The following PIGN variants were observed in gnomAD, a reference collection of about 807,000 sequenced individuals.
PIGN encodes GPI ethanolamine phosphate transferase 1.
In PIGN, 117 loss-of-function variants were observed where a neutral mutation model predicts 125.4. The ratio of observed to expected loss-of-function variants is 0.93; its 90% CI spans 0.80 to 1.09. The LOEUF is 1.09. PIGN is among the 50% of genes least tolerant of loss of function. The probability of loss-of-function intolerance (pLI) is 0.00; values close to 1 mark genes in which losing one functional copy is unlikely to be tolerated. For synonymous variants in PIGN, 392 were observed against 377.8 expected (o/e 1.04, Z -0.44); for missense variants, 1,075 against 1,094.9 (o/e 0.98, Z 0.26).
chr18:62,077,393 C>T (rs550553053), intron 28 of PIGN, among the ~76,000 whole-genome samples: 63 of 152,178 alleles, frequency 4.1e-4, no homozygotes, highest in African/African-American at 1.5e-3. Flanking sequence ...AACAAACAAA[C>T]AAACAAAACC....
chr18:62,109,906 A>C lies in PIGN; in HGVS notation c.1502T>G (p.Ile501Ser), dbSNP rs368164680. 3.0e-5 allele frequency: 49 copies of C among 1,613,266 alleles called. No homozygotes were observed. The highest frequency in any genetic ancestry group is 4.2e-5 in the Non-Finnish European group (49 of 1,179,478). Residue 501 changes from isoleucine to serine, a missense_variant, in exon 17 of 31, where the codon ATT (isoleucine) becomes AGT (serine). Physicochemically the swap from Ile to Ser is moderately radical, Grantham distance 142. Transcript: ENST00000640252. The stretch of plus-strand genomic sequence containing the variant: ...ATAATATGTCCAGGGACAGGCTTGA[A>C]TCAGCAGAAAAAATGCTACTAAAAT... ...IGILVAFFLL[I>S]QACPWTYYVY...
chr18:62,167,306 G>A (rs1407522958), intron 1 of PIGN, among the ~76,000 whole-genome samples: 2 of 42,094 alleles, frequency 4.8e-5, no homozygotes, highest in African/African-American at 8.6e-5. Flanking sequence ...GTGTGTGTGT[G>A]TGTGTGTGTG....
chr18:62,089,854 A>AC (rs745526674), intron 24 of PIGN, among the ~76,000 whole-genome samples: 6 of 152,200 alleles, frequency 3.9e-5, no homozygotes, highest in Non-Finnish European at 7.4e-5. Flanking sequence ...TCTCAGAATT[A>AC]CCATCAGCTC....
chr18:62,071,872 A>ATATATATATGTATATG (rs1256252340), intron 30 of PIGN, among the ~76,000 whole-genome samples: 1 of 19,560 alleles, frequency 5.1e-5, no homozygotes, highest in African/African-American at 3.3e-4. Flanking sequence ...CCATATATAT[A>ATATATATATGTATATG]TATATATATA....
At chr18:62,168,893 T>C (rs188072027) in intron 1 of PIGN, among the ~76,000 whole-genome samples, 1 of 150,522 alleles carries the variant, frequency 6.6e-6, no homozygotes, top group Non-Finnish European at 1.5e-5. Context: ...TCACTTTTTG[T>C]TACCCAGGCT....
At chr18:62,061,827 C>A (rs973153349) in intron 30 of PIGN, among the ~76,000 whole-genome samples, 2 of 152,170 alleles carry the variant, frequency 1.3e-5, no homozygotes, top group African/African-American at 2.4e-5. Context: ...AACATTCTCA[C>A]AAACAGAAAG....
chr18:62,087,058 G>A (rs561052074), intron 25 of PIGN, among the ~76,000 whole-genome samples: 23 of 152,290 alleles, frequency 1.5e-4, no homozygotes, highest in East Asian at 7.7e-4. Context: ...TCGAGGTCAC[G>A]AAAGGGGTCA....
intron 1 of PIGN, among the ~76,000 whole-genome samples, chr18:62,174,825 A>G (rs534049699): frequency 3.9e-4 from 59 of 151,628 alleles, no homozygotes; most frequent in African/African-American, 1.4e-3. Context: ...TGAATGTCCT[A>G]TACAATTACT....
At chr18:62,101,302 G>C in intron 21 of PIGN, 119 bp from the exon 22 acceptor site, 1 of 651,378 alleles carries the variant, frequency 1.5e-6, no homozygotes, top group South Asian at 1.8e-5. Flanking sequence ...GTGTATCTTG[G>C]AATCAATGAA....
At chr18:62,087,113 A>G (rs1330767688) in intron 25 of PIGN, among the ~76,000 whole-genome samples, 1 of 152,212 alleles carries the variant, frequency 6.6e-6, no homozygotes, top group Non-Finnish European at 1.5e-5. Context: ...AGAAGTGTCT[A>G]CCAAAGTTAC....
chr18:62,138,894 C>A, intron 13 of PIGN, 89 bp downstream of exon 13: 3 of 681,818 alleles, frequency 4.4e-6, no homozygotes, highest in East Asian at 2.9e-5. Context: ...TAGTTAAAAA[C>A]AAAATCAAAT....
chr18:62,033,598 T>C (rs2030221491), intron 23 of PIGN, among the ~76,000 whole-genome samples: 1 of 152,200 alleles, frequency 6.6e-6, no homozygotes, highest in Non-Finnish European at 1.5e-5. Flanking sequence ...AGTTCTGTAT[T>C]TCATTGTAGA....
intron 1 of PIGN, among the ~76,000 whole-genome samples, chr18:62,168,750 T>G (rs990216792): frequency 5.3e-5 from 8 of 152,058 alleles, no homozygotes; most frequent in Admixed American, 2.6e-4. Context: ...AAACTGTACA[T>G]AAAGTGTAAT....
chr18:62,055,645 G>A (rs535183083), intron 30 of PIGN, among the ~76,000 whole-genome samples: 15 of 152,122 alleles, frequency 9.9e-5, no homozygotes, highest in African/African-American at 3.6e-4. Flanking sequence ...CCACTGGGGG[G>A]AAATAAGGTA....
chr18:62,098,565 T>G (rs1299611794), intron 22 of PIGN, among the ~76,000 whole-genome samples: 1 of 152,216 alleles, frequency 6.6e-6, no homozygotes, highest in Non-Finnish European at 1.5e-5. Context: ...AGAGTCTCTA[T>G]TCTAAATGAC....
In PIGN at chr18:62,042,508, TAA is replaced by T. The variant is rs1463717816; in HGVS notation, c.*3346_*3347del. 6.6e-6 allele frequency: 1 copy of T among 152,160 alleles called. No individual in the cohort carries two copies. The highest frequency in any genetic ancestry group is 1.5e-5 in the Non-Finnish European group (1 of 68,030). 9.4% of individuals were successfully genotyped at this position (152,160 alleles called of 1,614,324 possible). A position where few individuals can be genotyped will look rare whatever the true frequency, so the allele number is the denominator to read the frequency against. The stretch of plus-strand genomic sequence containing the variant: ...TTTTAAGTGTACCCAAGGAAATGAA[TAA>T]GAGACACATCTCAAAGGTTCTTTTT... On this transcript the variant is annotated 3_prime_UTR_variant, in exon 31 of 31. Coordinates refer to ENST00000640252, the MANE Select transcript of PIGN (RefSeq NM_176787.5).
At chr18:62,163,171 A>T (rs1911316499) in intron 2 of PIGN, among the ~76,000 whole-genome samples, 1 of 152,114 alleles carries the variant, frequency 6.6e-6, no homozygotes, top group Non-Finnish European at 1.5e-5. Flanking sequence ...CTGATTTCCT[A>T]CTTACAGTTC....
intron 1 of PIGN, among the ~76,000 whole-genome samples, chr18:62,169,207 C>T (rs1355122301): frequency 6.6e-6 from 1 of 152,168 alleles, no homozygotes; most frequent in Admixed American, 6.5e-5. Context: ...TTATAAAAAT[C>T]TATTTCTGCA....
chr18:62,105,725 G>A, intron 19 of PIGN, 91 bp from the exon 20 acceptor site: 2 of 660,202 alleles, frequency 3.0e-6, no homozygotes, highest in Non-Finnish European at 2.5e-6. Context: ...GAAGGTAAAA[G>A]GAAAATGCAA....
Sources: gnomAD v4.1 joint callset for allele counts (sites outside exome capture counted in the v4.1 genomes callset) on GRCh38, gnomAD v4.1.1 for gene constraint, MANE v1.5 for transcripts, NCBI Gene and HGNC (gene_info 2026-07-23, HGNC 2026-07-21) for gene names.